ERCC6: variants seen among roughly 807,000 people sequenced by gnomAD.
ERCC6 encodes ERCC excision repair 6, chromatin remodeling factor.
Under a neutral mutation model 158.7 loss-of-function variants are expected in ERCC6, and 116 were observed. That is an observed-to-expected ratio of 0.73 (90% CI 0.63 to 0.85). The LOEUF is 0.85. Ranked by LOEUF, ERCC6 falls within the 40% of genes least tolerant of loss-of-function variation. The probability of loss-of-function intolerance (pLI) is 0.00; values close to 1 mark genes in which losing one functional copy is unlikely to be tolerated. For missense variants in ERCC6, 1,698 were observed against 1,799.4 expected (o/e 0.94, Z 1.02); for synonymous variants, 678 against 659.3 (o/e 1.03, Z -0.43).
intron 18 of ERCC6, among the ~76,000 whole-genome samples, 163 bp downstream of exon 18, chr10:49,470,019 C>T (rs767481856): frequency 1.3e-5 from 2 of 152,088 alleles, no homozygotes; most frequent in Non-Finnish European, 2.9e-5. Context: ...GGTGTAAATA[C>T]GATTTTTAAA....
chr10:49,494,644 T>C (rs1851234311), intron 7 of ERCC6, among the ~76,000 whole-genome samples: 1 of 152,192 alleles, frequency 6.6e-6, no homozygotes, highest in Admixed American at 6.5e-5. Context: ...GGCTCATCTA[T>C]AACCTGTCAG....
chr10:49,508,295 A>G (rs1851478481), intron 5 of ERCC6, among the ~76,000 whole-genome samples: 2 of 152,180 alleles, frequency 1.3e-5, no homozygotes, highest in African/African-American at 2.4e-5. Context: ...TTTAAACTTT[A>G]TTGATATATG....
Position 49,470,692 on chromosome 10 carries a change from G to C in ERCC6, c.3268C>G (p.Pro1090Ala), listed in dbSNP as rs1438222649. 2 of 1,613,984 alleles carry C rather than the reference G, an allele frequency of 1.2e-6. No homozygotes were observed. Among genetic ancestry groups the C allele is most frequent in the Admixed American group, 3.3e-5 (2 of 60,018 alleles). The change falls in exon 18 of 21, where the codon CCT becomes GCT. Residue 1090 changes from proline to alanine, a missense_variant. Physicochemically the swap from Pro to Ala is conservative, Grantham distance 27 (BLOSUM62 -1). Transcript: ENST00000355832. ...CTCATGTGAGGGTCATCTTTCAAAG[G>C]ATCACTTCGATTAGAAGTTACTGCA... The part of the protein sequence containing the change: ...VNAVTSNRSD[P>A]LKDDPHMSSN...
chr10:49,522,733 G>A (rs190769997), intron 5 of ERCC6, among the ~76,000 whole-genome samples: 26 of 152,164 alleles, frequency 1.7e-4, no homozygotes, highest in African/African-American at 6.3e-4. Flanking sequence ...TTAATTCCTT[G>A]CAGTAGTTAA....
chr10:49,526,099 TTATATATTTATATATTTTTATA>T (rs1564443729), intron 4 of ERCC6, among the ~76,000 whole-genome samples: 2 of 97,618 alleles, frequency 2.0e-5, no homozygotes, highest in African/African-American at 8.5e-5. Flanking sequence ...ATTTATATAT[TTATATATTTATATATTTTTATA>T]TATATATATA....
the ERCC6 span, among the ~76,000 whole-genome samples, chr10:49,445,233 T>G: frequency 6.6e-6 from 1 of 152,176 alleles, no homozygotes; most frequent in Non-Finnish European, 1.5e-5. Flanking sequence ...TTAGAGCACA[T>G]ATGCTTCACA....
intron 4 of ERCC6, chr10:49,525,366 G>A (rs528466340): frequency 6.2e-6 from 1 of 161,234 alleles, no homozygotes; most frequent in South Asian, 1.7e-4. Context: ...AAGTGCTCAA[G>A]AGCTACACGT....
At chr10:49,537,787 C>T (rs1029659710) in intron 1 of ERCC6, among the ~76,000 whole-genome samples, 4 of 152,092 alleles carry the variant, frequency 2.6e-5, no homozygotes, top group Non-Finnish European at 4.4e-5. Context: ...CGCCAGGCTC[C>T]GCCAGGCTCA....
At chr10:49,486,593 A>C (rs1851082337) in intron 8 of ERCC6, among the ~76,000 whole-genome samples, 1 of 152,240 alleles carries the variant, frequency 6.6e-6, no homozygotes, top group Non-Finnish European at 1.5e-5. Flanking sequence ...TTACAGATGT[A>C]GAGAATACAA....
At chr10:49,516,394 C>G in intron 5 of ERCC6, 1 of 1,614,078 alleles carries the variant, frequency 6.2e-7, no homozygotes, top group East Asian at 2.2e-5. Flanking sequence ...GAAAATTTGT[C>G]CACTGGATCC....
intron 5 of ERCC6, among the ~76,000 whole-genome samples, chr10:49,517,891 T>C (rs2132605297): frequency 6.6e-6 from 1 of 152,348 alleles, no homozygotes; most frequent in South Asian, 2.1e-4. Flanking sequence ...TTAAGAACAT[T>C]CTTAAAATAA....
At chr10:49,459,934 A>T (rs1850547905) in intron 20 of ERCC6, 1 of 253,278 alleles carries the variant, frequency 3.9e-6, no homozygotes, top group Non-Finnish European at 7.7e-6. Context: ...TAACCACAGT[A>T]GCACTCAAGG....
Position 49,517,410 on chromosome 10 carries a change from G to C in ERCC6, c.1397+6623C>G, listed in dbSNP as rs568762155. Among the ~76,000 whole-genome samples, 4 of 152,298 alleles carry C rather than the reference G, an allele frequency of 2.6e-5. No individual in the cohort carries two copies. The East Asian group carries it at 5.8e-4, about 22-fold the overall frequency. On this transcript the variant is annotated intron_variant, in intron 5 of 20. Coordinates refer to ENST00000355832, the MANE Select transcript of ERCC6 (RefSeq NM_000124.4). ...TCCCAGCATGCCAGTATCTGTAGCA[G>C]TAACTAACTCTGTGCACCAAGTGAT...
intron 7 of ERCC6, 112 bp from the exon 8 acceptor site, chr10:49,493,364 G>A: frequency 7.8e-7 from 1 of 1,277,750 alleles, no homozygotes; most frequent in Non-Finnish European, 1.1e-6. Flanking sequence ...AAAAAACAAT[G>A]CTAACTATGG....
At chr10:49,435,997 C>G in the ERCC6 span, among the ~76,000 whole-genome samples, 1 of 107,238 alleles carries the variant, frequency 9.3e-6, no homozygotes, top group Non-Finnish European at 1.9e-5. Flanking sequence ...ATCAGACTGT[C>G]TCAAAAAAAA....
chr10:49,520,239 G>A (rs1314633916), intron 5 of ERCC6, among the ~76,000 whole-genome samples: 2 of 152,134 alleles, frequency 1.3e-5, no homozygotes, highest in Non-Finnish European at 2.9e-5. Flanking sequence ...GTGACCCCAC[G>A]CTACACTTCC....
chr10:49,484,079 G>A (rs1176646267), intron 8 of ERCC6, among the ~76,000 whole-genome samples: 1 of 151,708 alleles, frequency 6.6e-6, no homozygotes, highest in Non-Finnish European at 1.5e-5. Context: ...AGGAGTTCGA[G>A]ACCAGCCTAC....
At position 49,500,539 on chromosome 10, in the gene ERCC6, T is replaced by A. The variant is rs777252763; in HGVS notation, c.1684A>T (p.Arg562Trp). 6.2e-7 allele frequency: 1 copy of A among 1,613,838 alleles called. No individual in the cohort carries two copies. The highest frequency in any genetic ancestry group is 2.2e-5 in the East Asian group (1 of 44,882). ...SKIRTRGSNY[R>W]FEGLGPTVIV... ...GACAGTCTGCAGAGGAGCACTTGCC[T>A]GTAATTTGAACCACGAGTCCTGATC... is the stretch of plus-strand genomic sequence containing the variant. The change falls in exon 7 of 21, where the codon AGG becomes TGG. Residue 562 changes from arginine (R) to tryptophan (W), a missense_variant and splice_region_variant. By Grantham distance (101) the Arg-to-Trp change is moderately radical. Coordinates refer to ENST00000355832, the MANE Select transcript of ERCC6 (RefSeq NM_000124.4).
intron 5 of ERCC6, among the ~76,000 whole-genome samples, chr10:49,522,502 AT>A (rs1837194177): frequency 6.6e-6 from 1 of 152,228 alleles, no homozygotes; most frequent in African/African-American, 2.4e-5. Flanking sequence ...CTTTAGCAAA[AT>A]ATTGGCTCTG....
Sources: gnomAD v4.1 joint callset for allele counts (sites outside exome capture counted in the v4.1 genomes callset) on GRCh38, gnomAD v4.1.1 for gene constraint, MANE v1.5 for transcripts, NCBI Gene and HGNC (gene_info 2026-07-23, HGNC 2026-07-21) for gene names.